Variants in COL4A5 observed in about 807,000 individuals in gnomAD.
COL4A5 encodes collagen alpha-5(IV) chain.
Under a neutral mutation model 130.2 loss-of-function variants are expected in COL4A5, and 26 were observed. That is an observed-to-expected ratio of 0.20 (90% CI 0.15 to 0.28). COL4A5 has a LOEUF of 0.28. Among genes scored for constraint, COL4A5 ranks in the 10% least tolerant of loss-of-function variants. COL4A5 has a pLI of 1.00. For missense variants in COL4A5, 1,131 were observed against 1,344.3 expected, an observed-to-expected ratio of 0.84 and a Z score of 2.48; for synonymous variants, 496 against 439.6, an observed-to-expected ratio of 1.13 and a Z score of -1.60.
chrX:108,483,907 T>C (rs1421556480), intron 1 of COL4A5, among the ~76,000 whole-genome samples: 5 of 112,494 alleles, frequency 4.4e-5, no homozygotes, highest in African/African-American at 1.3e-4. Flanking sequence ...GCCATTTGTA[T>C]GTCTTCTTTT....
At chrX:108,644,924 A>C (rs760216243) in intron 36 of COL4A5, among the ~76,000 whole-genome samples, 9,353 of 106,509 alleles carry the variant, frequency 0.088, 1,070 homozygotes, top group African/African-American at 0.29. Flanking sequence ...AACAACAAAA[A>C]AAAAAAAAAA....
At chrX:108,542,097 G>C (rs1225209109) in intron 2 of COL4A5, among the ~76,000 whole-genome samples, 1 of 111,526 alleles carries the variant, frequency 9.0e-6, no homozygotes, top group Non-Finnish European at 1.9e-5. Flanking sequence ...AATGGAAACT[G>C]TATTTTATTT....
chrX:108,479,023 G>C (rs1369387303), intron 1 of COL4A5, among the ~76,000 whole-genome samples: 2 of 112,306 alleles, frequency 1.8e-5, no homozygotes, highest in African/African-American at 3.2e-5. Flanking sequence ...GCAAGCCCAT[G>C]TTGCTGAGCC....
chrX:108,526,589 CTCCCTCCTTTCT>C (rs1409290298), intron 1 of COL4A5, among the ~76,000 whole-genome samples: 6 of 64,342 alleles, frequency 9.3e-5, no homozygotes, highest in African/African-American at 3.7e-4. Flanking sequence ...CCCTCCCTCC[CTCCCTCCTTTCT>C]TTCTTTCTTT....
intron 36 of COL4A5, among the ~76,000 whole-genome samples, chrX:108,628,773 C>T (rs2067199026): frequency 9.0e-6 from 1 of 111,700 alleles, no homozygotes; most frequent in South Asian, 3.7e-4. Context: ...ATTATGTACT[C>T]ATTTATTTAT....
intron 47 of COL4A5, among the ~76,000 whole-genome samples, 197 bp downstream of exon 47, chrX:108,682,085 G>A (rs2068444036): frequency 9.0e-6 from 1 of 111,010 alleles, no homozygotes; most frequent in African/African-American, 3.3e-5. Context: ...AGGCCCTGGT[G>A]TGTGATGGGC....
At chrX:108,535,181 T>C (rs1465873367) in intron 1 of COL4A5, among the ~76,000 whole-genome samples, 3 of 111,445 alleles carry the variant, frequency 2.7e-5, no homozygotes, top group Non-Finnish European at 3.8e-5. Context: ...GATTGAGCTA[T>C]GTCATTTTCA....
chrX:108,478,777 T>C (rs763326945), intron 1 of COL4A5, among the ~76,000 whole-genome samples: 21 of 111,987 alleles, frequency 1.9e-4, no homozygotes, highest in Non-Finnish European at 3.8e-4. Context: ...ATCGTAGTCT[T>C]GGCAGAAGCA....
chrX:108,615,479 TC>T (rs2066910870), intron 30 of COL4A5, among the ~76,000 whole-genome samples: 1 of 111,669 alleles, frequency 9.0e-6, no homozygotes, highest in Admixed American at 9.6e-5. Context: ...TCTTTTTTTT[TC>T]AGTGAGTTAT....
intron 2 of COL4A5, among the ~76,000 whole-genome samples, chrX:108,547,610 G>A (rs2065681300): frequency 8.9e-6 from 1 of 111,934 alleles, no homozygotes; most frequent in African/African-American, 3.3e-5. Flanking sequence ...GCTCCATGCT[G>A]GGAGAACCGC....
At position 108,573,502 on chromosome X, in the gene COL4A5, C is replaced by A. The variant is rs1372357791; in HGVS notation, c.466-72C>A. ...TCTGTTACAAATTGAATCTTCAGATCATTTTTCTGGTTTTGCTGGTTTTCA... is the reference window on the plus strand; with the variant it reads ...TCTGTTACAAATTGAATCTTCAGATAATTTTTCTGGTTTTGCTGGTTTTCA... On this transcript the variant is annotated intron_variant, in intron 8 of 52. Transcript: ENST00000328300. 4 of 692,619 alleles carry A rather than the reference C, an allele frequency of 5.8e-6. No individual in the cohort carries two copies. The African/African-American group carries it at 8.5e-5, about 15-fold the overall frequency. The allele number at this position is 692,619 out of a possible 1,213,427, so 57.1% of individuals were successfully genotyped here.
chrX:108,630,784 T>A (rs1329207678), intron 36 of COL4A5, among the ~76,000 whole-genome samples: 1 of 112,528 alleles, frequency 8.9e-6, no homozygotes, highest in Non-Finnish European at 1.9e-5. Context: ...TTTTTATGGT[T>A]TTATGTTCAA....
At chrX:108,461,912 T>C (rs1320079352) in intron 1 of COL4A5, among the ~76,000 whole-genome samples, 1 of 112,071 alleles carries the variant, frequency 8.9e-6, no homozygotes, top group Non-Finnish European at 1.9e-5. Context: ...AGATTTGTAG[T>C]GCGTTTAAAC....
intron 25 of COL4A5, 77 bp downstream of exon 25, chrX:108,598,947 C>T: frequency 6.8e-6 from 7 of 1,035,444 alleles, no homozygotes; most frequent in Non-Finnish European, 9.4e-6. Context: ...TCATGGCTTC[C>T]TTTCCCGAGA....
intron 1 of COL4A5, among the ~76,000 whole-genome samples, chrX:108,508,086 G>A (rs2065143546): frequency 9.0e-6 from 1 of 111,360 alleles, no homozygotes; most frequent in African/African-American, 3.3e-5. Context: ...CAGGAAGAGA[G>A]GAAGTCAAAC....
At chrX:108,483,223 A>ATG (rs3081023) in intron 1 of COL4A5, among the ~76,000 whole-genome samples, 29,583 of 93,516 alleles carry the variant, frequency 0.32, 3,561 homozygotes, top group Non-Finnish European at 0.36. Context: ...GTGTGTGTGT[A>ATG]TGTGTGTGTG....
intron 10 of COL4A5, among the ~76,000 whole-genome samples, chrX:108,577,126 T>C (rs976598770): frequency 1.9e-5 from 2 of 107,684 alleles, no homozygotes; most frequent in African/African-American, 6.8e-5. Context: ...ATCCCGGCAC[T>C]TTGGGAGGCT....
intron 29 of COL4A5, among the ~76,000 whole-genome samples, chrX:108,611,548 G>T (rs1310803736): frequency 9.0e-6 from 1 of 111,294 alleles, no homozygotes; most frequent in Non-Finnish European, 1.9e-5. Context: ...CCATACATTT[G>T]ACAACTTAGA....
chrX:108,653,038 T>C (rs2067763146), intron 36 of COL4A5, among the ~76,000 whole-genome samples: 1 of 112,231 alleles, frequency 8.9e-6, no homozygotes. Flanking sequence ...CTGAGCACTG[T>C]CTTCTTTATC....
Sources: allele counts gnomAD v4.1 joint callset (sites outside exome capture counted in the v4.1 genomes callset), GRCh38; gene constraint gnomAD v4.1.1; transcripts MANE v1.5; gene names NCBI Gene and HGNC (gene_info 2026-07-23, HGNC 2026-07-21).